NAV3: variants seen among roughly 807,000 people sequenced by gnomAD.
NAV3 encodes pore membrane and/or filament interacting like protein 1.
Under a neutral mutation model 244.7 loss-of-function variants are expected in NAV3, and 87 were observed. The ratio of observed to expected loss-of-function variants is 0.36; its 90% CI spans 0.30 to 0.42. NAV3 has a LOEUF of 0.42. NAV3 is among the 20% of genes least tolerant of loss of function. NAV3 has a pLI of 1.00. For synonymous variants in NAV3, 1,126 were observed against 1,042.2 expected, an observed-to-expected ratio of 1.08 and a Z score of -1.55; for missense variants, 2,663 against 2,893.3, an observed-to-expected ratio of 0.92 and a Z score of 1.83.
intron 2 of NAV3, among the ~76,000 whole-genome samples, chr12:77,649,697 G>A (rs1467006530): frequency 1.3e-5 from 2 of 152,024 alleles, no homozygotes; most frequent in African/African-American, 2.4e-5. Context: ...CTAAATTTGA[G>A]CAGTTAGTCT....
intron 12 of NAV3, among the ~76,000 whole-genome samples, chr12:78,092,943 G>A (rs300491): frequency 0.079 from 12,046 of 152,132 alleles, 499 homozygotes; most frequent in Admixed American, 0.088. Flanking sequence ...GCTTTCATAT[G>A]TTAGGTATTA....
intron 5 of NAV3, among the ~76,000 whole-genome samples, chr12:77,980,298 G>A (rs1869333790): frequency 6.6e-6 from 1 of 152,108 alleles, no homozygotes; most frequent in Admixed American, 6.6e-5. Context: ...GGGCTGGTTT[G>A]ATTATGATTG....
At chr12:77,667,460 G>T (rs916119287) in intron 2 of NAV3, among the ~76,000 whole-genome samples, 4 of 152,152 alleles carry the variant, frequency 2.6e-5, no homozygotes, top group African/African-American at 9.6e-5. Context: ...TGGAAGTGGG[G>T]TGAGGCCTGT....
chr12:78,163,419 C>T (rs931565726), intron 23 of NAV3, among the ~76,000 whole-genome samples: 1 of 151,918 alleles, frequency 6.6e-6, no homozygotes, highest in African/African-American at 2.4e-5. Flanking sequence ...AATTATCATG[C>T]TATTAGACTC....
chr12:77,922,017 C>T (rs1887757593), intron 1 of NAV3, among the ~76,000 whole-genome samples: 1 of 152,124 alleles, frequency 6.6e-6, no homozygotes, highest in Non-Finnish European at 1.5e-5. Flanking sequence ...ACCTTTATGA[C>T]TTAGTGGAAA....
chr12:78,120,511 T>C (rs1955625017), intron 15 of NAV3, among the ~76,000 whole-genome samples: 2 of 152,196 alleles, frequency 1.3e-5, no homozygotes, highest in Non-Finnish European at 2.9e-5. Flanking sequence ...TTCCAGTGTT[T>C]GGTACAGTAT....
chr12:77,648,145 C>G (rs1249284961), intron 2 of NAV3, among the ~76,000 whole-genome samples: 1 of 152,026 alleles, frequency 6.6e-6, no homozygotes, highest in Non-Finnish European at 1.5e-5. Context: ...TCAACTTTGT[C>G]CAGTAAAAGT....
At chr12:78,200,614 C>G (rs1204529173) in intron 38 of NAV3, 23 bp downstream of exon 38, 1 of 1,245,130 alleles carries the variant, frequency 8.0e-7, no homozygotes. Context: ...ATTTTCATTG[C>G]TATTTTTTTT....
rs551556444 is a variant in NAV3 at position 77,768,980 on chromosome 12, G to T, written c.73-171339G>T. Among the ~76,000 whole-genome samples the T allele has an allele frequency of 7.9e-4, 120 of 152,172 alleles. 6 individuals carry two copies. Among genetic ancestry groups the T allele is most frequent in the Non-Finnish European group, 1.8e-4 (12 of 68,030 alleles). On this transcript the variant is annotated intron_variant, in intron 2 of 8. Coordinates refer to the NAV3 transcript ENST00000550042. ...CTTCCTCAAAAAATAATAGCACTTA[G>T]TGAATCTTTACAGTGAGTCATACAT...
chr12:78,001,505 A>G (rs566841581), intron 7 of NAV3, among the ~76,000 whole-genome samples: 2 of 152,336 alleles, frequency 1.3e-5, no homozygotes, highest in African/African-American at 4.8e-5. Flanking sequence ...AAAAAAACAA[A>G]TTGTTGAAAG....
At chr12:78,198,366 T>A (rs1042593024) in intron 35 of NAV3, among the ~76,000 whole-genome samples, 11 of 151,898 alleles carry the variant, frequency 7.2e-5, no homozygotes, top group African/African-American at 2.4e-4. Context: ...AAATTACAAA[T>A]AAACTCAGGC....
In NAV3 at chr12:78,188,635, C is replaced by T. The variant is rs1565780964; in HGVS notation, c.5913C>T (p.Ser1971=). The change falls in exon 33 of 40, where the codon TCC becomes TCT. Residue 1971 remains serine, a synonymous_variant. Coordinates refer to ENST00000397909, the MANE Select transcript of NAV3 (RefSeq NM_001024383.2). Reference sequence around the variant, plus strand: ...AATATGTATTCCGAATTGATACATCCACTAGCCTTGGTCTGAGCTCTGACT... The same window carrying T: ...AATATGTATTCCGAATTGATACATCTACTAGCCTTGGTCTGAGCTCTGACT... ...FKEYVFRIDT[S]TSLGLSSDCI... 6.2e-7 allele frequency: 1 copy of T among 1,611,410 alleles called. No homozygotes were observed. The highest frequency in any genetic ancestry group is 2.2e-5 in the East Asian group (1 of 44,796).
intron 8 of NAV3, among the ~76,000 whole-genome samples, chr12:78,012,880 T>C (rs555393857): frequency 6.6e-6 from 1 of 152,258 alleles, no homozygotes; most frequent in East Asian, 1.9e-4. Flanking sequence ...ATTAAGAGTC[T>C]TGTCTTTCTC....
chr12:77,711,185 A>G lies in NAV3; in HGVS notation c.72+138919A>G, dbSNP rs564828645. 3.9e-5 allele frequency among the ~76,000 whole-genome samples: 6 copies of G among 152,328 alleles called. No homozygotes were observed. The South Asian group carries it at 8.3e-4, about 21-fold the overall frequency. ...TATCAGACCCACTTAGATTTTCCCA[A>G]TGATCTGTAGTCTTTTTCTTACTTT... On this transcript the variant is annotated intron_variant, in intron 2 of 8. Transcript: ENST00000550042.
intron 1 of NAV3, among the ~76,000 whole-genome samples, chr12:77,867,671 C>T (rs1036854240): frequency 6.6e-6 from 1 of 152,164 alleles, no homozygotes; most frequent in African/African-American, 2.4e-5. Context: ...CCACCAGCCT[C>T]GGCCTCCCAA....
At chr12:77,747,292 T>C (rs1188745477) in intron 2 of NAV3, among the ~76,000 whole-genome samples, 4 of 152,190 alleles carry the variant, frequency 2.6e-5, no homozygotes, top group Non-Finnish European at 4.4e-5. Context: ...TGTTTGTTTT[T>C]CACTGACCAT....
At chr12:77,799,195 G>A (rs1003129082) in intron 2 of NAV3, among the ~76,000 whole-genome samples, 3 of 152,212 alleles carry the variant, frequency 2.0e-5, no homozygotes, top group Non-Finnish European at 2.9e-5. Context: ...GCCAAAGCAA[G>A]TGTGGAAGAA....
At chr12:77,870,189 AC>A (rs765712719) in intron 1 of NAV3, among the ~76,000 whole-genome samples, 2 of 151,826 alleles carry the variant, frequency 1.3e-5, no homozygotes, top group African/African-American at 2.4e-5. Context: ...ACATGGTGAA[AC>A]CCCGTCTCAA....
chr12:78,057,017 GC>G (rs1266407021), intron 11 of NAV3, among the ~76,000 whole-genome samples: 25 of 152,262 alleles, frequency 1.6e-4, no homozygotes, highest in Admixed American at 1.3e-3. Context: ...GCATGCGAAG[GC>G]TTATCTCTTT....
Sources: gnomAD v4.1 joint callset for allele counts (sites outside exome capture counted in the v4.1 genomes callset) on GRCh38, gnomAD v4.1.1 for gene constraint, MANE v1.5 for transcripts, NCBI Gene and HGNC (gene_info 2026-07-23, HGNC 2026-07-21) for gene names.